The following AKAP8 variants were observed in gnomAD, a reference collection of about 807,000 sequenced individuals.
AKAP8 encodes the protein A-kinase anchoring protein 8.
AKAP8 carries 24 observed loss-of-function variants against 67.5 expected under a neutral mutation model. The ratio of observed to expected loss-of-function variants is 0.36; its 90% CI spans 0.26 to 0.50. The LOEUF is 0.50. AKAP8 is among the 20% of genes least tolerant of loss of function. AKAP8 has a pLI of 0.97. For missense variants in AKAP8, 971 were observed against 955.9 expected, an observed-to-expected ratio of 1.02 and a Z score of -0.21; for synonymous variants, 400 against 371.1, an observed-to-expected ratio of 1.08 and a Z score of -0.90.
Position 15,369,314 on chromosome 19 carries a change from C to T in AKAP8, c.1072+832G>A, listed in dbSNP as rs1056264225. On this transcript the variant is annotated intron_variant, in intron 8 of 13. Transcript: ENST00000269701. The surrounding 1 kb of genome is among the most constrained non-coding windows in gnomAD (Gnocchi z 4.6). ...TGCTATGGACAGGACTGCTGCGGGT[C>T]GCGGGGGGGAGGACCGCAGAGGGCT... The T allele has an allele frequency of 1.0e-6, 1 of 973,282 alleles. No individual in the cohort carries two copies. The highest frequency in any genetic ancestry group is 1.2e-6 in the Non-Finnish European group (1 of 818,894). 60.3% of individuals were successfully genotyped at this position (973,282 alleles called of 1,614,324 possible).
intron 9 of AKAP8, among the ~76,000 whole-genome samples, chr19:15,367,451 C>T (rs1346332163): frequency 2.0e-5 from 3 of 152,142 alleles, no homozygotes; most frequent in African/African-American, 7.2e-5. Context: ...CCGCTTGAAC[C>T]TAGGAGGCAG....
chr19:15,369,983 T>G lies in AKAP8; in HGVS notation c.1072+163A>C, dbSNP rs1967127641. Among the ~76,000 whole-genome samples, 1 of 152,178 alleles carries G rather than the reference T, an allele frequency of 6.6e-6. No homozygotes were observed. Among genetic ancestry groups the G allele is most frequent in the South Asian group, 2.1e-4 (1 of 4,828 alleles). On this transcript the variant is annotated intron_variant, in intron 8 of 13. Transcript: ENST00000269701. This position sits in a 1 kb window ranked among gnomAD's most constrained non-coding sequence, Gnocchi z 4.6. ...CCCCAGACACTTTGAAGCAAAGTGT[T>G]GGCTGATCGCCACGGTCAAGGCCCA...
At position 15,373,072 on chromosome 19, in the gene AKAP8, C is replaced by CG. The variant is rs770729816; in HGVS notation, c.639dup (p.Ala214ArgfsTer5). On this transcript the variant is annotated frameshift_variant, in exon 5 of 14. Coordinates refer to ENST00000269701, the MANE Select transcript of AKAP8 (RefSeq NM_005858.4). LOFTEE classifies it high-confidence loss of function. ...GTGGACAGGGGCTCAGAGGACGCAG[C>CG]GGGGGGCACGAAGGGGTCGCTGCGC... The CG allele has an allele frequency of 3.1e-6, 5 of 1,609,432 alleles. No homozygotes were observed. Among genetic ancestry groups the CG allele is most frequent in the Non-Finnish European group, 4.2e-6 (5 of 1,178,174 alleles).
chr19:15,362,373 C>T (rs533724185), intron 9 of AKAP8, 122 bp from the exon 10 acceptor site: 9 of 868,266 alleles, frequency 1.0e-5, no homozygotes, highest in East Asian at 8.7e-5. Context: ...CCCCCTCCCC[C>T]TCTCCCTCTC....
In AKAP8 at chr19:15,355,291, T is replaced by C. The variant is rs1301495550; in HGVS notation, c.1703A>G (p.Glu568Gly). ...DDNLGGEDKK[E>G]TPEEVAADVL... ...GTCCGCGGCCACCTCCTCAGGTGTCTCTTTCTTATCCTCACCTCCTAAATT... is the reference window on the plus strand; with the variant it reads ...GTCCGCGGCCACCTCCTCAGGTGTCCCTTTCTTATCCTCACCTCCTAAATT... Residue 568 changes from glutamate (E) to glycine (G), a missense_variant, in exon 14 of 14, where the codon GAG (glutamate) becomes GGG (glycine). Transcript: ENST00000269701. 1 of 1,613,752 alleles carries C rather than the reference T, an allele frequency of 6.2e-7. No individual in the cohort carries two copies. Among genetic ancestry groups the C allele is most frequent in the East Asian group, 2.2e-5 (1 of 44,884 alleles).
intron 9 of AKAP8, among the ~76,000 whole-genome samples, chr19:15,364,129 A>AAAG (rs1967030103): frequency 6.9e-6 from 1 of 144,234 alleles, no homozygotes; most frequent in African/African-American, 2.5e-5. Flanking sequence ...AAAAAAAGAA[A>AAAG]CAGGATTTTC....
intron 8 of AKAP8, 94 bp from the exon 9 acceptor site, chr19:15,368,416 A>G: frequency 6.3e-7 from 1 of 1,595,578 alleles, no homozygotes; most frequent in Non-Finnish European, 8.5e-7. Context: ...TGGCCACCGC[A>G]CCCTGTGCCC....
rs1292894336 is a variant in AKAP8 at position 15,354,303 on chromosome 19, G to C, written c.*612C>G. On this transcript the variant is annotated 3_prime_UTR_variant, in exon 14 of 14. Coordinates refer to ENST00000269701, the MANE Select transcript of AKAP8 (RefSeq NM_005858.4). ...GGACGCAATGCCCTCTGCACAGTCT[G>C]GTTCTTGAGGTTGCGGTGGGTGTGT... is the stretch of plus-strand genomic sequence containing the variant. 6.5e-6 allele frequency: 1 copy of C among 154,392 alleles called. No homozygotes were observed. The highest frequency in any genetic ancestry group is 2.4e-5 in the African/African-American group (1 of 41,454). The allele number at this position is 154,392 out of a possible 1,614,324, so 9.6% of individuals were successfully genotyped here. A position where few individuals can be genotyped will look rare whatever the true frequency, so the allele number is the denominator to read the frequency against.
At chr19:15,378,134 G>C (rs539975131) in intron 1 of AKAP8, among the ~76,000 whole-genome samples, 43 of 152,228 alleles carry the variant, frequency 2.8e-4, no homozygotes, top group Non-Finnish European at 5.4e-4. Context: ...GCCATTCAGA[G>C]ACAAGGGAGC....
intron 1 of AKAP8, chr19:15,379,311 T>C (rs553209078): frequency 4.8e-6 from 1 of 206,562 alleles, no homozygotes; most frequent in East Asian, 1.2e-4. Flanking sequence ...ACGCTGTAGC[T>C]CCGCCCCCCT....
chr19:15,362,212 A>G lies in AKAP8; in HGVS notation c.1200T>C (p.Phe400=), dbSNP rs1171905192. 1 of 1,614,126 alleles carries G rather than the reference A, an allele frequency of 6.2e-7. No individual in the cohort carries two copies. The highest frequency in any genetic ancestry group is 2.2e-5 in the East Asian group (1 of 44,874). ...FACSVCKFRS[F]DDEEIQKHLQ... is the part of the protein sequence containing the mutation. ...GATGCTTCTGGATCTCTTCGTCATC[A>G]AAGCTACGGAACTTGCATACAGAAC... The change falls in exon 10 of 14, where the codon TTT becomes TTC. Residue 400 remains phenylalanine, a synonymous_variant. Transcript: ENST00000269701.
In AKAP8 at chr19:15,372,920, C is replaced by T. The variant is rs985960823; in HGVS notation, c.792G>A (p.Ala264=). Residue 264 remains alanine (A), a synonymous_variant, in exon 5 of 14, where the codon GCG becomes GCA. Coordinates refer to ENST00000269701, the MANE Select transcript of AKAP8 (RefSeq NM_005858.4). ...PDYGVMGMQG[A]GGYDSTMPYG... ...AGGGCATGGTGCTGTCATAGCCGCC[C>T]GCCCCCTGCATGCCCATCACGCCGT... The T allele has an allele frequency of 9.2e-6, 14 of 1,523,314 alleles. No homozygotes were observed. Among genetic ancestry groups the T allele is most frequent in the East Asian group, 2.3e-5 (1 of 44,068 alleles). The allele number at this position is 1,523,314 out of a possible 1,614,324, so 94.4% of individuals were successfully genotyped here. A position where few individuals can be genotyped will look rare whatever the true frequency, so the allele number is the denominator to read the frequency against.
At position 15,377,781 on chromosome 19, in the gene AKAP8, T is replaced by C. The variant is rs115070385; in HGVS notation, c.20-767A>G. 2.1e-3 allele frequency among the ~76,000 whole-genome samples: 323 copies of C among 152,290 alleles called. 1 individual carries two copies. Among genetic ancestry groups the C allele is most frequent in the African/African-American group, 7.3e-3 (305 of 41,566 alleles). On this transcript the variant is annotated intron_variant, in intron 1 of 13. Coordinates refer to ENST00000269701, the MANE Select transcript of AKAP8 (RefSeq NM_005858.4). ...CCGCGCCAGGCCCTTCCTGCCACTTTTAAGGCCTCCACGGATCCCCTGGAC... is the reference window on the plus strand; with the variant it reads ...CCGCGCCAGGCCCTTCCTGCCACTTCTAAGGCCTCCACGGATCCCCTGGAC...
rs543846317 is a variant in AKAP8 at position 15,363,243 on chromosome 19, C to T, written c.1161-992G>A. Reference sequence around the variant, plus strand: ...GAGGGAGGTGGGGGGATCAGCCCCCCGCCCGGCCAGCCGCCCCGTCTGGGA... The same window carrying T: ...GAGGGAGGTGGGGGGATCAGCCCCCTGCCCGGCCAGCCGCCCCGTCTGGGA... On this transcript the variant is annotated intron_variant, in intron 9 of 13. Transcript: ENST00000269701. Among the ~76,000 whole-genome samples the T allele has an allele frequency of 1.3e-4, 20 of 150,640 alleles. No individual in the cohort carries two copies. In the East Asian group the frequency reaches 1.8e-3, roughly 14 times the overall value.
intron 4 of AKAP8, 60 bp downstream of exon 4, chr19:15,373,726 C>T: frequency 6.5e-7 from 1 of 1,534,400 alleles, no homozygotes. Flanking sequence ...GTGCCCACTC[C>T]CATGCGCACA....
At position 15,371,989 on chromosome 19, in the gene AKAP8, G is replaced by C. The variant is rs1256714813; in HGVS notation, c.1001C>G (p.Ala334Gly). The change falls in exon 7 of 14, where the codon GCT (alanine) becomes GGT (glycine). Residue 334 changes from alanine to glycine, a missense_variant. Coordinates refer to ENST00000269701, the MANE Select transcript of AKAP8 (RefSeq NM_005858.4). The part of the protein sequence containing the change: ...EGDFSENDDA[A>G]GDFRSGDEEF... The stretch of plus-strand genomic sequence containing the variant: ...TTCATCTCCTGAGCGGAAGTCACCA[G>C]CTGCGTCATCTGCCAGACACAAAGA... The C allele has an allele frequency of 6.2e-7, 1 of 1,614,110 alleles. No individual in the cohort carries two copies. Among genetic ancestry groups the C allele is most frequent in the Non-Finnish European group, 8.5e-7 (1 of 1,180,030 alleles).
chr19:15,355,799 C>G (rs540180970), intron 13 of AKAP8, among the ~76,000 whole-genome samples: 3 of 151,736 alleles, frequency 2.0e-5, no homozygotes, highest in East Asian at 1.9e-4. Flanking sequence ...TGCAATGGCG[C>G]GATCTCAGCT....
In AKAP8 at chr19:15,379,712, C is replaced by A. The variant is rs1426602174; in HGVS notation, c.19+1G>T. On this transcript the variant is annotated splice_donor_variant, in intron 1 of 13. Coordinates refer to ENST00000269701, the MANE Select transcript of AKAP8 (RefSeq NM_005858.4). LOFTEE classifies it high-confidence loss of function. Reference sequence around the variant, plus strand: ...CTCCGCACCCAGCAGCCAACACAAACCTCCGTAGCCCTGGTCCATGTCTTC... The same window carrying A: ...CTCCGCACCCAGCAGCCAACACAAAACTCCGTAGCCCTGGTCCATGTCTTC... The A allele has an allele frequency of 6.8e-6, 11 of 1,610,406 alleles. No homozygotes were observed. Among genetic ancestry groups the A allele is most frequent in the Middle Eastern group, 1.7e-4 (1 of 6,052 alleles).
intron 3 of AKAP8, 26 bp downstream of exon 3, chr19:15,374,577 C>T: frequency 6.2e-7 from 1 of 1,610,658 alleles, no homozygotes; most frequent in Non-Finnish European, 8.5e-7. Context: ...TGCCCGCCCA[C>T]AGACCCCCCC....
Sources: gnomAD v4.1 joint callset for allele counts (sites outside exome capture counted in the v4.1 genomes callset) on GRCh38, gnomAD v4.1.1 for gene constraint, Gnocchi (gnomAD v3.1) non-coding constraint, MANE v1.5 for transcripts, NCBI Gene and HGNC (gene_info 2026-07-23, HGNC 2026-07-21) for gene names.